CA10: variants seen among roughly 807,000 people sequenced by gnomAD.
CA10 encodes carbonic anhydrase-related protein 10.
CA10 carries 14 observed loss-of-function variants against 44.2 expected under a neutral mutation model. That is an observed-to-expected ratio of 0.32 (90% CI 0.21 to 0.50). The LOEUF is 0.50. CA10 is among the 20% of genes least tolerant of loss of function. CA10 has a pLI of 0.99. For synonymous variants in CA10, 159 were observed against 141.6 expected, an observed-to-expected ratio of 1.12 and a Z score of -0.87; for missense variants, 350 against 409.7, an observed-to-expected ratio of 0.85 and a Z score of 1.26.
At chr17:52,095,642 C>T (rs933681570) in intron 1 of CA10, among the ~76,000 whole-genome samples, 2 of 152,258 alleles carry the variant, frequency 1.3e-5, no homozygotes, top group Non-Finnish European at 2.9e-5. Context: ...TGGTAAGATT[C>T]CCTTTATCAG....
At chr17:52,013,786 AC>A (rs922387924) in intron 2 of CA10, among the ~76,000 whole-genome samples, 30 of 151,902 alleles carry the variant, frequency 2.0e-4, no homozygotes, top group Non-Finnish European at 8.8e-5. Context: ...TGGTTTCAGA[AC>A]CCCACTCTGA....
chr17:51,940,022 T>C (rs1264765258), intron 2 of CA10, among the ~76,000 whole-genome samples: 1 of 152,134 alleles, frequency 6.6e-6, no homozygotes, highest in African/African-American at 2.4e-5. Flanking sequence ...ATTTTTATTG[T>C]TATACTTTTT....
chr17:51,920,712 A>T (rs1982196245), intron 3 of CA10, among the ~76,000 whole-genome samples: 1 of 152,188 alleles, frequency 6.6e-6, no homozygotes, highest in Admixed American at 6.5e-5. Context: ...GCAATGGTGC[A>T]TGAGAACCTG....
At chr17:52,141,192 G>T (rs1989472174) in intron 1 of CA10, among the ~76,000 whole-genome samples, 1 of 152,108 alleles carries the variant, frequency 6.6e-6, no homozygotes, top group Non-Finnish European at 1.5e-5. Flanking sequence ...ACCTGGATGG[G>T]ACCAGAGCTA....
chr17:51,917,168 G>A (rs1038686768), intron 3 of CA10, among the ~76,000 whole-genome samples: 17 of 152,156 alleles, frequency 1.1e-4, no homozygotes, highest in Non-Finnish European at 1.5e-5. Flanking sequence ...GCAGATTTCT[G>A]TGGTGTTAAC....
intron 2 of CA10, among the ~76,000 whole-genome samples, chr17:51,933,909 C>T (rs143668639): frequency 5.3e-5 from 8 of 152,248 alleles, no homozygotes; most frequent in African/African-American, 1.4e-4. Flanking sequence ...AAAGTACCCC[C>T]GCAAAAACAC....
intron 3 of CA10, among the ~76,000 whole-genome samples, chr17:51,792,293 T>C (rs867152101): frequency 3.3e-5 from 5 of 152,198 alleles, no homozygotes; most frequent in South Asian, 4.1e-4. Context: ...TGCTTCTCCA[T>C]CTCCATCTCA....
intron 1 of CA10, among the ~76,000 whole-genome samples, chr17:52,115,124 C>A (rs1422790983): frequency 1.3e-5 from 2 of 152,222 alleles, no homozygotes; most frequent in Non-Finnish European, 2.9e-5. Context: ...ACACCTTATG[C>A]AGGGGAGGAG....
At chr17:52,018,408 C>G (rs1383656844) in intron 2 of CA10, among the ~76,000 whole-genome samples, 1 of 152,128 alleles carries the variant, frequency 6.6e-6, no homozygotes, top group Non-Finnish European at 1.5e-5. Context: ...GAGGCCATCC[C>G]TCATACCCAT....
intron 1 of CA10, among the ~76,000 whole-genome samples, chr17:52,075,097 T>A (rs957025426): frequency 3.9e-5 from 6 of 152,030 alleles, no homozygotes; most frequent in Non-Finnish European, 8.8e-5. Flanking sequence ...ACTGAAAAAA[T>A]TTGTTGAGTG....
chr17:51,796,881 G>A (rs1906729451), intron 3 of CA10, among the ~76,000 whole-genome samples: 1 of 152,084 alleles, frequency 6.6e-6, no homozygotes, highest in East Asian at 1.9e-4. Context: ...TAGAGACATT[G>A]GCATTTTCTT....
intron 2 of CA10, among the ~76,000 whole-genome samples, chr17:52,024,736 T>C (rs1465460865): frequency 6.6e-6 from 1 of 152,056 alleles, no homozygotes; most frequent in Non-Finnish European, 1.5e-5. Context: ...ATGATAATCA[T>C]GAATAATTAT....
At chr17:52,081,191 G>C (rs1987966177) in intron 1 of CA10, among the ~76,000 whole-genome samples, 1 of 152,188 alleles carries the variant, frequency 6.6e-6, no homozygotes, top group Non-Finnish European at 1.5e-5. Flanking sequence ...GTAGTAAAGT[G>C]ACTAGAAGAA....
intron 2 of CA10, among the ~76,000 whole-genome samples, chr17:51,987,004 G>T (rs1257144119): frequency 6.6e-6 from 1 of 152,004 alleles, no homozygotes; most frequent in Non-Finnish European, 1.5e-5. Flanking sequence ...TTCACTACTG[G>T]ATATCTACCC....
intron 7 of CA10, 144 bp downstream of exon 7, chr17:51,635,711 A>G (rs1270797379): frequency 1.5e-5 from 8 of 522,492 alleles, no homozygotes; most frequent in Non-Finnish European, 2.6e-5. Context: ...TGAGGCGATA[A>G]GTTTGTGTTA....
intron 3 of CA10, among the ~76,000 whole-genome samples, chr17:51,749,388 A>C (rs893834461): frequency 6.6e-6 from 1 of 152,160 alleles, no homozygotes; most frequent in Non-Finnish European, 1.5e-5. Context: ...GAGCCGTGAA[A>C]CTACCATGCA....
chr17:52,015,480 C>T (rs1485306232), intron 2 of CA10, among the ~76,000 whole-genome samples: 2 of 151,998 alleles, frequency 1.3e-5, no homozygotes, highest in African/African-American at 4.8e-5. Context: ...ATGAACAAAT[C>T]CTAAGAAAGT....
Position 51,689,047 on chromosome 17 carries a change from A to G in CA10, c.466-35311T>C, listed in dbSNP as rs1349875202. Among the ~76,000 whole-genome samples the G allele has an allele frequency of 2.0e-5, 3 of 152,344 alleles. No homozygotes were observed. In the East Asian group the frequency reaches 5.8e-4, roughly 29 times the overall value. The stretch of plus-strand genomic sequence containing the variant: ...TTAAGCACGCAGTAGAGCCAAGATT[A>G]AAACCTGGGCGTTTCAGCTCCCAAT... On this transcript the variant is annotated intron_variant, in intron 4 of 8. Transcript: ENST00000451037.
rs545952287 is a variant in CA10 at position 51,926,959 on chromosome 17, G to A, written c.279+4031C>T. 7.2e-5 allele frequency among the ~76,000 whole-genome samples: 11 copies of A among 152,174 alleles called. No homozygotes were observed. In the South Asian group the frequency reaches 1.0e-3, roughly 14 times the overall value. Reference sequence around the variant, plus strand: ...AATGGAAAGAGAGGTTAGAACATACGTATTTTTCAGATTACCAAATTAATG... The same window carrying A: ...AATGGAAAGAGAGGTTAGAACATACATATTTTTCAGATTACCAAATTAATG... On this transcript the variant is annotated intron_variant, in intron 3 of 8. Coordinates refer to ENST00000451037, the MANE Select transcript of CA10 (RefSeq NM_020178.5).
Sources: allele counts gnomAD v4.1 joint callset (sites outside exome capture counted in the v4.1 genomes callset), GRCh38; gene constraint gnomAD v4.1.1; transcripts MANE v1.5; gene names NCBI Gene and HGNC (gene_info 2026-07-23, HGNC 2026-07-21).